Variants in RPL11 observed in about 807,000 individuals in gnomAD.
RPL11 encodes large ribosomal subunit protein uL5.
In RPL11, 3 loss-of-function variants were observed where a neutral mutation model predicts 24.1. That is an observed-to-expected ratio of 0.12 (90% CI 0.06 to 0.32). RPL11 has a LOEUF of 0.32. RPL11 is among the 10% of genes least tolerant of loss of function. RPL11 has a pLI of 1.00. For missense variants in RPL11, 146 were observed against 225.7 expected (o/e 0.65, Z 2.26); for synonymous variants, 96 against 75.7 (o/e 1.27, Z -1.39).
Position 23,692,696 on chromosome 1 carries a change from A to C in RPL11, c.94A>C (p.Arg32=). The C allele has an allele frequency of 6.2e-7, 1 of 1,614,132 alleles. No homozygotes were observed. Among genetic ancestry groups the C allele is most frequent in the South Asian group, 1.1e-5 (1 of 91,082 alleles). Residue 32 remains arginine, a synonymous_variant, in exon 2 of 6, where the codon AGA becomes CGA. Transcript: ENST00000643754. ...LNICVGESGD[R]LTRAAKVLEQ... is the part of the protein sequence containing the mutation. The stretch of plus-strand genomic sequence containing the variant: ...CATCTGTGTTGGGGAGAGTGGAGAC[A>C]GACTGACGCGAGCAGCCAAGGTGTT...
chr1:23,695,293 C>T (rs1179858847), intron 4 of RPL11: 4 of 278,906 alleles, frequency 1.4e-5, no homozygotes, highest in Non-Finnish European at 2.1e-5. Context: ...AATCAGAAGT[C>T]CTGACTAGTG....
At chr1:23,693,239 C>A (rs1484175957) in intron 2 of RPL11, among the ~76,000 whole-genome samples, 1 of 152,150 alleles carries the variant, frequency 6.6e-6, no homozygotes, top group Non-Finnish European at 1.5e-5. Context: ...TGACTCTGGG[C>A]TCTCTGGACC....
Position 23,695,883 on chromosome 1 carries a change from A to C in RPL11, c.482A>C (p.Glu161Ala). The change falls in exon 5 of 6, where the codon GAG becomes GCG. Residue 161 changes from glutamate to alanine, a missense_variant. Transcript: ENST00000643754. ...IGAKHRISKE[E>A]AMRWFQQKYD... Reference sequence around the variant, plus strand: ...GCCAAACACAGAATCAGCAAAGAGGAGGCCATGCGCTGGTTCCAGCAGAAG... The same window carrying C: ...GCCAAACACAGAATCAGCAAAGAGGCGGCCATGCGCTGGTTCCAGCAGAAG... The C allele has an allele frequency of 6.3e-7, 1 of 1,592,238 alleles. No individual in the cohort carries two copies. Among genetic ancestry groups the C allele is most frequent in the Non-Finnish European group, 8.6e-7 (1 of 1,169,022 alleles).
At chr1:23,694,939 T>A in intron 4 of RPL11, 148 bp downstream of exon 4, 4 of 1,253,514 alleles carry the variant, frequency 3.2e-6, no homozygotes, top group Non-Finnish European at 2.3e-6. Context: ...GAAATGTGCC[T>A]CATTTGTGGC....
At chr1:23,695,018 T>A in intron 4 of RPL11, 1 of 620,126 alleles carries the variant, frequency 1.6e-6, no homozygotes, top group Non-Finnish European at 2.9e-6. Context: ...CAGTCGAGGA[T>A]CTGTAAAGCA....
chr1:23,696,481 A>G lies in RPL11; in HGVS notation c.*108A>G. 9.2e-7 allele frequency: 1 copy of G among 1,085,540 alleles called. No homozygotes were observed. Among genetic ancestry groups the G allele is most frequent in the Admixed American group, 1.8e-5 (1 of 54,534 alleles). 67.2% of individuals were successfully genotyped at this position (1,085,540 alleles called of 1,614,324 possible). ...GCCATATTCAAGTCCTTGGACCTCA[A>G]GCCACTTAAAGCTTCGATGGGAGTA... On this transcript the variant is annotated 3_prime_UTR_variant, in exon 6 of 6. Transcript: ENST00000643754.
chr1:23,695,368 G>A, intron 4 of RPL11: 1 of 283,430 alleles, frequency 3.5e-6, no homozygotes, highest in Non-Finnish European at 6.8e-6. Context: ...ATACTCACAG[G>A]ATGTTGGAGG....
intron 1 of RPL11, 164 bp from the exon 2 acceptor site, chr1:23,692,445 T>C (rs1430810528): frequency 3.8e-6 from 3 of 797,774 alleles, no homozygotes; most frequent in Non-Finnish European, 4.1e-6. Flanking sequence ...GGTTCCGAGC[T>C]GTCTTCTTCC....
intron 2 of RPL11, 87 bp downstream of exon 2, chr1:23,692,846 A>AGCT: frequency 6.4e-7 from 1 of 1,562,260 alleles, no homozygotes; most frequent in Non-Finnish European, 8.8e-7. Context: ...CTGTTTAGAA[A>AGCT]GTGACAGTCG....
At position 23,694,762 on chromosome 1, in the gene RPL11, A is replaced by G. The variant is rs201640468; in HGVS notation, c.367A>G (p.Ile123Val). 1 of 1,614,232 alleles carries G rather than the reference A, an allele frequency of 6.2e-7. No homozygotes were observed. Among genetic ancestry groups the G allele is most frequent in the East Asian group, 2.2e-5 (1 of 44,886 alleles). Residue 123 changes from isoleucine to valine, a missense_variant, in exon 4 of 6, where the codon ATT becomes GTT. Physicochemically the swap from Ile to Val is conservative, Grantham distance 29. Coordinates refer to ENST00000643754, the MANE Select transcript of RPL11 (RefSeq NM_000975.5). Reference sequence around the variant, plus strand: ...TCTGGGTATCAAATATGACCCAAGCATTGGTATCTACGGCCTGGACTTCTA... The same window carrying G: ...TCTGGGTATCAAATATGACCCAAGCGTTGGTATCTACGGCCTGGACTTCTA... ...IDLGIKYDPS[I>V]GIYGLDFYVV...
intron 1 of RPL11, chr1:23,692,392 C>T (rs963349873): frequency 5.3e-6 from 3 of 570,596 alleles, no homozygotes; most frequent in South Asian, 2.0e-5. Flanking sequence ...CAATAACTGT[C>T]CTGAGTTTTC....
Position 23,692,684 on chromosome 1 carries a change from G to A in RPL11, c.82G>A (p.Glu28Lys), listed in dbSNP as rs753139193. Residue 28 changes from glutamate (E) to lysine (K), a missense_variant, in exon 2 of 6, where the codon GAG becomes AAG. By Grantham distance (56) the Glu-to-Lys change is moderately conservative. Transcript: ENST00000643754. ...ACTCTGTCTCAACATCTGTGTTGGG[G>A]AGAGTGGAGACAGACTGACGCGAGC... ...RKLCLNICVG[E>K]SGDRLTRAAK... 1 of 1,614,178 alleles carries A rather than the reference G, an allele frequency of 6.2e-7. No individual in the cohort carries two copies. Among genetic ancestry groups the A allele is most frequent in the Non-Finnish European group, 8.5e-7 (1 of 1,180,042 alleles).
chr1:23,693,526 C>T (rs1445723201), intron 2 of RPL11, among the ~76,000 whole-genome samples: 1 of 152,216 alleles, frequency 6.6e-6, no homozygotes, highest in East Asian at 1.9e-4. Context: ...CTAGTGGCTT[C>T]TTCGGCCTAT....
At chr1:23,694,881 G>A in intron 4 of RPL11, 90 bp downstream of exon 4, 2 of 1,586,088 alleles carry the variant, frequency 1.3e-6, no homozygotes, top group Non-Finnish European at 1.7e-6. Flanking sequence ...CACATGTTGA[G>A]TTGCAGCTTT....
Position 23,696,693 on chromosome 1 carries a change from G to C in RPL11, c.*320G>C, listed in dbSNP as rs923953883. The C allele has an allele frequency of 1.0e-4, 46 of 453,636 alleles. No individual in the cohort carries two copies. Among genetic ancestry groups the C allele is most frequent in the African/African-American group, 9.1e-4 (46 of 50,466 alleles). 28.1% of individuals were successfully genotyped at this position (453,636 alleles called of 1,614,324 possible). ...TTGAATTTAGAGCCTTGGTTAAGCAGGGTGCAGTGCTCCTGTGTTCCAGGA... is the reference window on the plus strand; with the variant it reads ...TTGAATTTAGAGCCTTGGTTAAGCACGGTGCAGTGCTCCTGTGTTCCAGGA... On this transcript the variant is annotated 3_prime_UTR_variant, in exon 6 of 6. Transcript: ENST00000643754.
rs1348852059 is a variant in RPL11, at chr1:23,692,618, G to A, written c.16G>A (p.Gly6Ser). 3.1e-6 allele frequency: 5 copies of A among 1,614,186 alleles called. No homozygotes were observed. The highest frequency in any genetic ancestry group is 1.7e-5 in the Admixed American group (1 of 60,024). Residue 6 changes from glycine to serine, a missense_variant, in exon 2 of 6, where the codon GGT (glycine) becomes AGT (serine). Physicochemically the swap from Gly to Ser is moderately conservative, Grantham distance 56. Transcript: ENST00000643754. The part of the protein sequence containing the change: MAQDQ[G>S]EKENPMRELR... ...CTCTTCCCTGTTGCAGCAGGATCAA[G>A]GTGAAAAGGAGAACCCCATGCGGGA...
chr1:23,696,328 A>C lies in RPL11; in HGVS notation c.508-16A>C. ...TTGCCTCCTGTTCTGAAAAAATTAA[A>C]TCTCTTCTCTTTCAGTATGATGGGA... is the stretch of plus-strand genomic sequence containing the variant. On this transcript the variant is annotated splice_polypyrimidine_tract_variant and intron_variant, in intron 5 of 5. Transcript: ENST00000643754. 1 of 1,613,674 alleles carries C rather than the reference A, an allele frequency of 6.2e-7. No individual in the cohort carries two copies. Among genetic ancestry groups the C allele is most frequent in the Non-Finnish European group, 8.5e-7 (1 of 1,179,654 alleles).
chr1:23,696,028 G>A, intron 5 of RPL11, 120 bp downstream of exon 5: 1 of 1,043,020 alleles, frequency 9.6e-7, no homozygotes, highest in Non-Finnish European at 1.5e-6. Context: ...TAGAATATTG[G>A]GCATCTTGAC....
At chr1:23,693,713 T>C (rs1305854697) in intron 2 of RPL11, 94 bp from the exon 3 acceptor site, 5 of 829,282 alleles carry the variant, frequency 6.0e-6, no homozygotes, top group Admixed American at 5.5e-5. Flanking sequence ...GAATGCTTAA[T>C]GTCTCTTTAA....
Sources: allele counts gnomAD v4.1 joint callset (sites outside exome capture counted in the v4.1 genomes callset), GRCh38; gene constraint gnomAD v4.1.1; transcripts MANE v1.5; gene names NCBI Gene and HGNC (gene_info 2026-07-23, HGNC 2026-07-21).